The following PPP1R18 variants were observed in gnomAD, a reference collection of about 807,000 sequenced individuals.
PPP1R18 encodes phostensin.
In PPP1R18, 31 loss-of-function variants were observed where a neutral mutation model predicts 54.8. The observed-to-expected ratio is 0.57, with a 90% CI of 0.43 to 0.76. The LOEUF is 0.76. Among genes scored for constraint, PPP1R18 ranks in the 30% least tolerant of loss-of-function variants. The pLI is 0.00. For missense variants in PPP1R18, 685 were observed against 776.1 expected (o/e 0.88, Z 1.39); for synonymous variants, 310 against 320.2 (o/e 0.97, Z 0.34).
chr6:30,684,591 G>A lies in PPP1R18; in HGVS notation c.1428C>T (p.Pro476=), dbSNP rs546002517. ...RRSGHTFTVN[P]RRSVPPATPA... ...GGGTCGCAGGGGGCACAGACCGCCGGGGGTTGACGGTGAAGGTGTGTCCAC... is the reference window on the plus strand; with the variant it reads ...GGGTCGCAGGGGGCACAGACCGCCGAGGGTTGACGGTGAAGGTGTGTCCAC... The change falls in exon 1 of 3, where the codon CCC becomes CCT. Residue 476 remains proline, a synonymous_variant. Transcript: ENST00000274853. This position sits in a 1 kb window ranked among gnomAD's most constrained non-coding sequence, Gnocchi z 6.0. 2.5e-4 allele frequency: 403 copies of A among 1,598,814 alleles called. 2 individuals carry two copies. Among genetic ancestry groups the A allele is most frequent in the Middle Eastern group, 2.3e-3 (14 of 6,010 alleles).
rs1255509062 is a variant in PPP1R18, at chr6:30,685,096, G to T, written c.923C>A (p.Ser308Tyr). ...CTGCTCTGCTGCCTCCACTCCTGCGGAACTGTTGCCTTGGGCCTCCCTTGT... is the reference window on the plus strand; with the variant it reads ...CTGCTCTGCTGCCTCCACTCCTGCGTAACTGTTGCCTTGGGCCTCCCTTGT... ...TLTREAQGNS[S>Y]AGVEAAEQRP... is the part of the protein sequence containing the mutation. The change falls in exon 1 of 3, where the codon TCC becomes TAC. Residue 308 changes from serine (S) to tyrosine (Y), a missense_variant. Transcript: ENST00000274853. The surrounding 1 kb of genome is among the most constrained non-coding windows in gnomAD (Gnocchi z 5.0). 1.2e-6 allele frequency: 2 copies of T among 1,613,186 alleles called. No individual in the cohort carries two copies. Among genetic ancestry groups the T allele is most frequent in the Non-Finnish European group, 1.7e-6 (2 of 1,180,010 alleles).
intron 2 of PPP1R18, among the ~76,000 whole-genome samples, chr6:30,678,535 C>A (rs1770337243): frequency 6.6e-6 from 1 of 152,022 alleles, no homozygotes; most frequent in African/African-American, 2.4e-5. Context: ...GCCACCACGC[C>A]CAGCTAATTT....
At position 30,686,158 on chromosome 6, in the gene PPP1R18, C is replaced by T; in HGVS notation, c.-140G>A. 1 of 820,626 alleles carries T rather than the reference C, an allele frequency of 1.2e-6. No individual in the cohort carries two copies. Among genetic ancestry groups the T allele is most frequent in the Non-Finnish European group, 1.9e-6 (1 of 522,082 alleles). 50.8% of individuals were successfully genotyped at this position (820,626 alleles called of 1,614,324 possible). A position where few individuals can be genotyped will look rare whatever the true frequency, so the allele number is the denominator to read the frequency against. ...GGGAGAGGTGGGACACAAAGCAGGG[C>T]AGAGGGGCTAAGGATGAGGACAGAG... On this transcript the variant is annotated 5_prime_UTR_variant, in exon 1 of 3. Transcript: ENST00000274853.
rs533160909 is a variant in PPP1R18, at chr6:30,685,415, G to T, written c.604C>A (p.Arg202=). The change falls in exon 1 of 3, where the codon CGG becomes AGG. Residue 202 remains arginine (R), a synonymous_variant. Transcript: ENST00000274853. This position sits in a 1 kb window ranked among gnomAD's most constrained non-coding sequence, Gnocchi z 5.0. The stretch of plus-strand genomic sequence containing the variant: ...CGAGACTCTGCTAGTCTCAGACTCC[G>T]CTCTGGAGTTTCTCCAGGACTCAGC... The part of the protein sequence containing the change: ...WRLSPGETPE[R]SLRLAESREQ... The T allele has an allele frequency of 6.2e-7, 1 of 1,612,972 alleles. No homozygotes were observed. The highest frequency in any genetic ancestry group is 1.7e-5 in the Admixed American group (1 of 60,014).
At position 30,686,383 on chromosome 6, in the gene PPP1R18, G is replaced by A; in HGVS notation, c.-365C>T. On this transcript the variant is annotated 5_prime_UTR_variant, in exon 1 of 3. Coordinates refer to ENST00000274853, the MANE Select transcript of PPP1R18 (RefSeq NM_133471.4). Reference sequence around the variant, plus strand: ...TGAGAAAGAGAGAGAAGGGCGAAAAGGAAAGTTGGCGTGAGGGAGAAGAGA... The same window carrying A: ...TGAGAAAGAGAGAGAAGGGCGAAAAAGAAAGTTGGCGTGAGGGAGAAGAGA... 1 of 277,282 alleles carries A rather than the reference G, an allele frequency of 3.6e-6. No individual in the cohort carries two copies. Among genetic ancestry groups the A allele is most frequent in the African/African-American group, 2.2e-5 (1 of 45,734 alleles). 17.2% of individuals were successfully genotyped at this position (277,282 alleles called of 1,614,324 possible).
Position 30,685,298 on chromosome 6 carries a change from A to G in PPP1R18, c.721T>C (p.Trp241Arg). 1 of 1,612,974 alleles carries G rather than the reference A, an allele frequency of 6.2e-7. No homozygotes were observed. The highest frequency in any genetic ancestry group is 8.5e-7 in the Non-Finnish European group (1 of 1,180,004). ...TGAGACTCTCTGGAGTCAGGTCTCC[A>G]TTTATGGGCCTCTGTCAGGCCCAAC... is the stretch of plus-strand genomic sequence containing the variant. ...QKLGLTEAHK[W>R]RPDSRESQEQ... is the part of the protein sequence containing the mutation. Residue 241 changes from tryptophan (W) to arginine (R), a missense_variant, in exon 1 of 3, where the codon TGG (tryptophan) becomes CGG (arginine). Coordinates refer to ENST00000274853, the MANE Select transcript of PPP1R18 (RefSeq NM_133471.4). This position sits in a 1 kb window ranked among gnomAD's most constrained non-coding sequence, Gnocchi z 5.0.
intron 1 of PPP1R18, among the ~76,000 whole-genome samples, chr6:30,681,247 C>T (rs558649974): frequency 5.3e-4 from 81 of 152,094 alleles, no homozygotes; most frequent in African/African-American, 1.7e-3. Flanking sequence ...ACTCCTACCT[C>T]AGGACCAGAA....
In PPP1R18 at chr6:30,686,191, C is replaced by A; in HGVS notation, c.-173G>T. ...CTAAGGATGAGGACAGAGGGAAAGA[C>A]GGAAGGCAGAGAACTGGGGAAATGG... On this transcript the variant is annotated 5_prime_UTR_variant, in exon 1 of 3. Coordinates refer to ENST00000274853, the MANE Select transcript of PPP1R18 (RefSeq NM_133471.4). The A allele has an allele frequency of 1.7e-6, 1 of 586,718 alleles. No homozygotes were observed. Among genetic ancestry groups the A allele is most frequent in the South Asian group, 2.7e-5 (1 of 37,516 alleles). 36.3% of individuals were successfully genotyped at this position (586,718 alleles called of 1,614,324 possible). A position where few individuals can be genotyped will look rare whatever the true frequency, so the allele number is the denominator to read the frequency against.
upstream of PPP1R18, chr6:30,688,341 G>C (rs1348747885): frequency 2.5e-6 from 1 of 397,742 alleles, no homozygotes; most frequent in Middle Eastern, 6.6e-4. The surrounding 1 kb of genome is among the most constrained non-coding windows in gnomAD (Gnocchi z 5.9). Flanking sequence ...ACAGTGCCAG[G>C]GGAGTGGTCA....
chr6:30,684,720 G>A lies in PPP1R18; in HGVS notation c.1299C>T (p.Pro433=), dbSNP rs1421762581. ...GGGGGGCAGTTGGGGCTGGGGGTGG[G>A]GGAGACAGAGGGGCTGGTGGTGGGG... ...LQPPPPAPLS[P]PPPAPTAPQP... is the part of the protein sequence containing the mutation. The change falls in exon 1 of 3, where the codon CCC becomes CCT. Residue 433 remains proline (P), a synonymous_variant. Coordinates refer to ENST00000274853, the MANE Select transcript of PPP1R18 (RefSeq NM_133471.4). This position sits in a 1 kb window ranked among gnomAD's most constrained non-coding sequence, Gnocchi z 6.0. The A allele has an allele frequency of 1.3e-6, 2 of 1,508,132 alleles. No homozygotes were observed. The highest frequency in any genetic ancestry group is 1.8e-6 in the Non-Finnish European group (2 of 1,123,066). 93.4% of individuals were successfully genotyped at this position (1,508,132 alleles called of 1,614,324 possible). A position where few individuals can be genotyped will look rare whatever the true frequency, so the allele number is the denominator to read the frequency against.
At chr6:30,678,685 G>A (rs937428499) in intron 2 of PPP1R18, among the ~76,000 whole-genome samples, 3 of 152,016 alleles carry the variant, frequency 2.0e-5, no homozygotes, top group African/African-American at 7.2e-5. Context: ...GCCCACACCT[G>A]GATAATTTTT....
intron 1 of PPP1R18, among the ~76,000 whole-genome samples, chr6:30,680,978 G>A (rs370342134): frequency 1.2e-4 from 18 of 151,624 alleles, no homozygotes; most frequent in African/African-American, 2.9e-4. Flanking sequence ...CCAGCTACTC[G>A]AGAGGACGAG....
chr6:30,682,204 C>G (rs975434344), intron 1 of PPP1R18, among the ~76,000 whole-genome samples: 3 of 152,106 alleles, frequency 2.0e-5, no homozygotes, highest in African/African-American at 7.2e-5. Context: ...CTGGGCTTCT[C>G]AGAAATGCAC....
intron 2 of PPP1R18, among the ~76,000 whole-genome samples, chr6:30,678,567 A>G (rs1018678377): frequency 6.6e-6 from 1 of 151,330 alleles, no homozygotes; most frequent in Admixed American, 6.6e-5. Flanking sequence ...TTTAGTAGAG[A>G]TGGGGTTTCA....
In PPP1R18 at chr6:30,684,905, C is replaced by T. The variant is rs764824794; in HGVS notation, c.1114G>A (p.Glu372Lys). The change falls in exon 1 of 3, where the codon GAG (glutamate) becomes AAG (lysine). Residue 372 changes from glutamate to lysine, a missense_variant. By Grantham distance (56) the Glu-to-Lys change is moderately conservative. Transcript: ENST00000274853. The surrounding 1 kb of genome is among the most constrained non-coding windows in gnomAD (Gnocchi z 6.0). The stretch of plus-strand genomic sequence containing the variant: ...TTCTCAGCCTCCCCTTCTCCAGCCT[C>T]CACACCGGGAGATTCCAGAAGCTTC... Reference protein sequence around the residue: ...AEKLLESPGVEAGEGEAEKEE... With the variant: ...AEKLLESPGVKAGEGEAEKEE... The T allele has an allele frequency of 6.2e-7, 1 of 1,613,022 alleles. No individual in the cohort carries two copies. Among genetic ancestry groups the T allele is most frequent in the Non-Finnish European group, 8.5e-7 (1 of 1,180,032 alleles).
In PPP1R18 at chr6:30,686,358, T is replaced by C. The variant is rs1583007704; in HGVS notation, c.-340A>G. On this transcript the variant is annotated 5_prime_UTR_variant, in exon 1 of 3. Coordinates refer to ENST00000274853, the MANE Select transcript of PPP1R18 (RefSeq NM_133471.4). Reference sequence around the variant, plus strand: ...CGTATTAAAGACCGTCTCTAGGATGTGAGAAAGAGAGAGAAGGGCGAAAAG... The same window carrying C: ...CGTATTAAAGACCGTCTCTAGGATGCGAGAAAGAGAGAGAAGGGCGAAAAG... The C allele has an allele frequency of 3.0e-6, 1 of 328,730 alleles. No individual in the cohort carries two copies. The highest frequency in any genetic ancestry group is 4.8e-5 in the East Asian group (1 of 20,650). The allele number at this position is 328,730 out of a possible 1,614,324, so 20.4% of individuals were successfully genotyped here.
rs1770734506 is a variant in PPP1R18 at position 30,684,458 on chromosome 6, G to A, written c.1561C>T (p.Leu521Phe). The part of the protein sequence containing the change: ...EILVLGGYLR[L>F]SRSCLAKGSP... The stretch of plus-strand genomic sequence containing the variant: ...CCCTTGGCAAGGCAGCTGCGGCTGA[G>A]ACGGAGGTAGCCCCCCAGAACCAAG... Residue 521 changes from leucine (L) to phenylalanine (F), a missense_variant, in exon 1 of 3, where the codon CTC becomes TTC. Physicochemically the swap from Leu to Phe is conservative, Grantham distance 22 (BLOSUM62 0). Coordinates refer to ENST00000274853, the MANE Select transcript of PPP1R18 (RefSeq NM_133471.4). The surrounding 1 kb of genome is among the most constrained non-coding windows in gnomAD (Gnocchi z 6.0). 2.5e-6 allele frequency: 4 copies of A among 1,603,470 alleles called. No homozygotes were observed. Among genetic ancestry groups the A allele is most frequent in the Non-Finnish European group, 3.4e-6 (4 of 1,174,166 alleles).
At position 30,685,736 on chromosome 6, in the gene PPP1R18, G is replaced by A. The variant is rs762870250; in HGVS notation, c.283C>T (p.Arg95Trp). The A allele has an allele frequency of 9.3e-6, 15 of 1,612,876 alleles. No homozygotes were observed. Among genetic ancestry groups the A allele is most frequent in the East Asian group, 4.5e-5 (2 of 44,894 alleles). Residue 95 changes from arginine to tryptophan, a missense_variant, in exon 1 of 3, where the codon CGG becomes TGG. Transcript: ENST00000274853. This position sits in a 1 kb window ranked among gnomAD's most constrained non-coding sequence, Gnocchi z 5.0. ...VHQNRFIRQE[R>W]QQQQQQQQRS... Reference sequence around the variant, plus strand: ...TGTTGTTGCTGCTGCTGCTGCTGCCGCTCCTGCCGGATGAATCGGTTCTGG... The same window carrying A: ...TGTTGTTGCTGCTGCTGCTGCTGCCACTCCTGCCGGATGAATCGGTTCTGG...
In PPP1R18 at chr6:30,686,154, A is replaced by G; in HGVS notation, c.-136T>C. Reference sequence around the variant, plus strand: ...GAGGGGGAGAGGTGGGACACAAAGCAGGGCAGAGGGGCTAAGGATGAGGAC... The same window carrying G: ...GAGGGGGAGAGGTGGGACACAAAGCGGGGCAGAGGGGCTAAGGATGAGGAC... On this transcript the variant is annotated 5_prime_UTR_variant, in exon 1 of 3. Coordinates refer to ENST00000274853, the MANE Select transcript of PPP1R18 (RefSeq NM_133471.4). 2.4e-6 allele frequency: 2 copies of G among 846,612 alleles called. No homozygotes were observed. The highest frequency in any genetic ancestry group is 3.7e-6 in the Non-Finnish European group (2 of 543,316). The allele number at this position is 846,612 out of a possible 1,614,324, so 52.4% of individuals were successfully genotyped here. A position where few individuals can be genotyped will look rare whatever the true frequency, so the allele number is the denominator to read the frequency against.
Sources: gnomAD v4.1 joint callset for allele counts (sites outside exome capture counted in the v4.1 genomes callset) on GRCh38, gnomAD v4.1.1 for gene constraint, Gnocchi (gnomAD v3.1) non-coding constraint, MANE v1.5 for transcripts, NCBI Gene and HGNC (gene_info 2026-07-23, HGNC 2026-07-21) for gene names.